Variants in MAP4K1 observed in about 807,000 individuals in gnomAD.
The protein encoded by MAP4K1 is MAPK/ERK kinase kinase kinase 1.
Under a neutral mutation model 122.8 loss-of-function variants are expected in MAP4K1, and 35 were observed. The ratio of observed to expected loss-of-function variants is 0.29; its 90% CI spans 0.22 to 0.38. MAP4K1 has a LOEUF of 0.38. MAP4K1 is among the 10% of genes least tolerant of loss of function. The pLI is 1.00. For synonymous variants in MAP4K1, 412 were observed against 421.3 expected, an observed-to-expected ratio of 0.98 and a Z score of 0.27; for missense variants, 791 against 1,072.6, an observed-to-expected ratio of 0.74 and a Z score of 3.67.
chr19:38,605,041 C>G (rs1040403931), intron 19 of MAP4K1, among the ~76,000 whole-genome samples: 1 of 150,172 alleles, frequency 6.7e-6, no homozygotes, highest in African/African-American at 2.5e-5. Flanking sequence ...GAGCTAAGAT[C>G]GCGCCACTGT....
In MAP4K1 at chr19:38,596,427, G is replaced by A; in HGVS notation, c.2001C>T (p.Gly667=). ...LSVFALLTGP[G]SELPAVCIGV... is the part of the protein sequence containing the mutation. ...CGATGCACACAGCGGGCAGCTCAGA[G>A]CCTGGCCCGGTCAGCAGCGCGAACA... Residue 667 remains glycine (G), a synonymous_variant, in exon 26 of 31, where the codon GGC becomes GGT. Transcript: ENST00000396857. 6.3e-7 allele frequency: 1 copy of A among 1,591,694 alleles called. No homozygotes were observed. Among genetic ancestry groups the A allele is most frequent in the African/African-American group, 1.3e-5 (1 of 74,882 alleles).
chr19:38,607,546 T>G (rs1482345148), intron 16 of MAP4K1, among the ~76,000 whole-genome samples: 6 of 113,562 alleles, frequency 5.3e-5, no homozygotes, highest in African/African-American at 7.1e-5. Context: ...GGCCACAGAG[T>G]GAGACTCCAT....
At chr19:38,590,395 ATATATATATATATATATATAT>A (rs1403977600) in intron 30 of MAP4K1, among the ~76,000 whole-genome samples, 2 of 19,490 alleles carry the variant, frequency 1.0e-4, no homozygotes, top group African/African-American at 2.5e-4. Context: ...AAAAAAAAAA[ATATATATATATATATATATAT>A]ATATATATAT....
In MAP4K1 at chr19:38,587,641, G is replaced by A; in HGVS notation, c.*107C>T. 1.0e-6 allele frequency: 1 copy of A among 980,080 alleles called. No individual in the cohort carries two copies. Among genetic ancestry groups the A allele is most frequent in the Non-Finnish European group, 1.6e-6 (1 of 619,068 alleles). 60.7% of individuals were successfully genotyped at this position (980,080 alleles called of 1,614,324 possible). On this transcript the variant is annotated 3_prime_UTR_variant, in exon 31 of 31. Transcript: ENST00000396857. ...TTCCCCCAAGAAAAACAAGATGACAGCAGAGGCTAAAGTCATGTTTATTGG... is the reference window on the plus strand; with the variant it reads ...TTCCCCCAAGAAAAACAAGATGACAACAGAGGCTAAAGTCATGTTTATTGG...
chr19:38,607,364 GCCT>G (rs1975357762), intron 16 of MAP4K1, among the ~76,000 whole-genome samples: 1 of 151,924 alleles, frequency 6.6e-6, no homozygotes, highest in Admixed American at 6.6e-5. Context: ...TTTGAAACCA[GCCT>G]GGCCAACATG....
At position 38,597,343 on chromosome 19, in the gene MAP4K1, C is replaced by A; in HGVS notation, c.1820G>T (p.Cys607Phe). 1 of 1,614,080 alleles carries A rather than the reference C, an allele frequency of 6.2e-7. No homozygotes were observed. Among genetic ancestry groups the A allele is most frequent in the South Asian group, 1.1e-5 (1 of 91,078 alleles). The change falls in exon 24 of 31, where the codon TGC (cysteine) becomes TTC (phenylalanine). Residue 607 changes from cysteine (C) to phenylalanine (F), a missense_variant. Physicochemically the swap from Cys to Phe is radical, Grantham distance 205 (BLOSUM62 -2). This residue lies in a region of MAP4K1 where 267 missense variants were observed against 323.0 expected (regional missense o/e 0.83). Coordinates refer to ENST00000396857, the MANE Select transcript of MAP4K1 (RefSeq NM_001042600.3). The surrounding 1 kb of genome is among the most constrained non-coding windows in gnomAD (Gnocchi z 4.6). ...VSTKIQDTKG[C>F]RACCVAEGAS... ...TCTCTCACCCACACAGCACGCCCGG[C>A]AGCCTTTGGTGTCCTGGATCTTGGT... is the stretch of plus-strand genomic sequence containing the variant.
In MAP4K1 at chr19:38,599,004, G is replaced by T. The variant is rs191644579; in HGVS notation, c.1669+921C>A. ...CTCCAGTCTGGGCAACAGAGTGAGA[G>T]TCTATCTCAAAAAAAAAAAAAAAAA... is the stretch of plus-strand genomic sequence containing the variant. On this transcript the variant is annotated intron_variant, in intron 22 of 30. Coordinates refer to ENST00000396857, the MANE Select transcript of MAP4K1 (RefSeq NM_001042600.3). Among the ~76,000 whole-genome samples, 568 of 105,162 alleles carry T rather than the reference G, an allele frequency of 5.4e-3. 4 individuals carry two copies. Among genetic ancestry groups the T allele is most frequent in the African/African-American group, 0.02 (534 of 26,866 alleles). 69.0% of individuals were successfully genotyped at this position (105,162 alleles called of 152,430 possible).
At chr19:38,601,839 A>T in intron 19 of MAP4K1, 1 of 353,812 alleles carries the variant, frequency 2.8e-6, no homozygotes, top group African/African-American at 2.3e-5. Flanking sequence ...ATGCAATGAC[A>T]TGATCTCAGC....
chr19:38,616,113 G>A (rs1975641334), intron 4 of MAP4K1, 82 bp downstream of exon 4: 1 of 1,003,334 alleles, frequency 1.0e-6, no homozygotes, highest in Admixed American at 2.2e-5. Context: ...TACACACACA[G>A]AGACGGAAGA....
Position 38,617,732 on chromosome 19 carries a change from C to G in MAP4K1, c.99+65G>C. The G allele has an allele frequency of 1.2e-6, 2 of 1,606,350 alleles. No homozygotes were observed. Among genetic ancestry groups the G allele is most frequent in the Non-Finnish European group, 1.7e-6 (2 of 1,172,982 alleles). On this transcript the variant is annotated intron_variant, in intron 1 of 30. Transcript: ENST00000396857. This position sits in a 1 kb window ranked among gnomAD's most constrained non-coding sequence, Gnocchi z 4.1. ...TGGGACCCCCTCTTGCAGCCTCCTC[C>G]CTGCCGAGGGCTTGCCTTAAAGGTC...
chr19:38,603,621 G>A (rs1158799911), intron 19 of MAP4K1, among the ~76,000 whole-genome samples: 1 of 152,060 alleles, frequency 6.6e-6, no homozygotes, highest in Non-Finnish European at 1.5e-5. Flanking sequence ...GATCACTTAA[G>A]CCCAGGAGTT....
Position 38,614,402 on chromosome 19 carries a change from C to G in MAP4K1, c.357G>C (p.Arg119=). The change falls in exon 5 of 31, where the codon CGG becomes CGC. Residue 119 remains arginine, a synonymous_variant. Coordinates refer to ENST00000396857, the MANE Select transcript of MAP4K1 (RefSeq NM_001042600.3). ...GGCCTCTCCTTACCTGGAGCACTTCCCGGCAGACATAGCTAATCTGGAGCT... is the reference window on the plus strand; with the variant it reads ...GGCCTCTCCTTACCTGGAGCACTTCGCGGCAGACATAGCTAATCTGGAGCT... ...LSELQISYVC[R]EVLQGLAYLH... is the part of the protein sequence containing the mutation. 6.2e-7 allele frequency: 1 copy of G among 1,614,238 alleles called. No individual in the cohort carries two copies. The highest frequency in any genetic ancestry group is 8.5e-7 in the Non-Finnish European group (1 of 1,180,036).
chr19:38,614,522 C>T, intron 4 of MAP4K1, 77 bp from the exon 5 acceptor site: 1 of 1,520,778 alleles, frequency 6.6e-7, no homozygotes, highest in Non-Finnish European at 9.1e-7. Context: ...TGCCCCCCCA[C>T]ACCAGCTAAG....
intron 19 of MAP4K1, among the ~76,000 whole-genome samples, chr19:38,603,050 A>G (rs1249098665): frequency 7.2e-6 from 1 of 138,980 alleles, no homozygotes; most frequent in African/African-American, 2.8e-5. Flanking sequence ...GTACATATAT[A>G]CGCATATACA....
intron 19 of MAP4K1, among the ~76,000 whole-genome samples, chr19:38,604,567 G>T (rs1324865854): frequency 6.6e-6 from 1 of 151,938 alleles, no homozygotes; most frequent in Non-Finnish European, 1.5e-5. Flanking sequence ...GAGGCGGGCA[G>T]ATCACAAGGT....
At position 38,617,748 on chromosome 19, in the gene MAP4K1, C is replaced by T; in HGVS notation, c.99+49G>A. The stretch of plus-strand genomic sequence containing the variant: ...AGCCTCCTCCCTGCCGAGGGCTTGC[C>T]TTAAAGGTCACTGGTTGTAGGGTGT... On this transcript the variant is annotated intron_variant, in intron 1 of 30. Transcript: ENST00000396857. This position sits in a 1 kb window ranked among gnomAD's most constrained non-coding sequence, Gnocchi z 4.1. The T allele has an allele frequency of 6.2e-7, 1 of 1,610,768 alleles. No individual in the cohort carries two copies. The highest frequency in any genetic ancestry group is 1.7e-5 in the Admixed American group (1 of 60,010).
chr19:38,614,817 G>A (rs1437447237), intron 4 of MAP4K1: 1 of 225,294 alleles, frequency 4.4e-6, no homozygotes, highest in South Asian at 6.0e-5. Context: ...AAGTACTCAG[G>A]AGGCTGAGGC....
chr19:38,590,386 AAAAAAAAAATATATAT>A (rs1388918473), intron 30 of MAP4K1, among the ~76,000 whole-genome samples: 4 of 68,564 alleles, frequency 5.8e-5, no homozygotes, highest in African/African-American at 7.6e-5. Flanking sequence ...AAAAAAAAAA[AAAAAAAAAATATATAT>A]ATATATATAT....
chr19:38,602,421 C>CACACATATATAT (rs1975093135), intron 19 of MAP4K1, among the ~76,000 whole-genome samples: 1 of 151,030 alleles, frequency 6.6e-6, no homozygotes, highest in Admixed American at 6.6e-5. Flanking sequence ...GACACACACA[C>CACACATATATAT]ACACACACAC....
Sources: gnomAD v4.1 joint callset for allele counts (sites outside exome capture counted in the v4.1 genomes callset) on GRCh38, gnomAD v4.1.1 for gene constraint, gnomAD v4.1.1 regional missense constraint, Gnocchi (gnomAD v3.1) non-coding constraint, MANE v1.5 for transcripts, NCBI Gene and HGNC (gene_info 2026-07-23, HGNC 2026-07-21) for gene names.